Variants in SIPA1L1 observed in about 807,000 individuals in gnomAD.
The protein encoded by SIPA1L1 is signal-induced proliferation-associated 1-like protein 1.
SIPA1L1 carries 26 observed loss-of-function variants against 162.7 expected under a neutral mutation model. That is an observed-to-expected ratio of 0.16 (90% confidence interval 0.12 to 0.22). SIPA1L1 has a LOEUF of 0.22. Ranked by LOEUF, SIPA1L1 falls within the 10% of genes least tolerant of loss-of-function variation. The pLI is 1.00. For synonymous variants in SIPA1L1, 829 were observed against 837.4 expected, an observed-to-expected ratio of 0.99 and a Z score of 0.17; for missense variants, 1,874 against 2,241.0, an observed-to-expected ratio of 0.84 and a Z score of 3.31.
At chr14:71,711,651 A>C (rs184112861) in intron 17 of SIPA1L1, among the ~76,000 whole-genome samples, 326 of 152,360 alleles carry the variant, frequency 2.1e-3, no homozygotes, top group African/African-American at 7.4e-3. Context: ...CGGCTGTGCC[A>C]TTATCTAACA....
chr14:71,685,348 C>T lies in SIPA1L1; in HGVS notation c.3105-14C>T, dbSNP rs759084250. The T allele has an allele frequency of 6.2e-6, 10 of 1,613,354 alleles. No individual in the cohort carries two copies. Among genetic ancestry groups the T allele is most frequent in the Non-Finnish European group, 6.8e-6 (8 of 1,179,414 alleles). ...GTATCCATTGTGTTTCTCCCTGTGC[C>T]TTGCCCCTAATAGGAGTTGCTCTGA... On this transcript the variant is annotated splice_polypyrimidine_tract_variant and intron_variant, in intron 12 of 23. Transcript: ENST00000381232.
intron 18 of SIPA1L1, 70 bp from the exon 19 acceptor site, chr14:71,724,600 T>G: frequency 7.9e-7 from 1 of 1,258,000 alleles, no homozygotes; most frequent in Non-Finnish European, 1.1e-6. Context: ...TTACATCCTT[T>G]AGAGCCCATC....
rs189690497 is a variant in SIPA1L1, at chr14:71,646,638, T to C, written c.1819-3697T>C. ...CATCTCAAATATAGCCCTTGTCCCA[T>C]TGGACTGACCACCATCACTTTTGTA... On this transcript the variant is annotated intron_variant, in intron 7 of 23. Transcript: ENST00000381232. Among the ~76,000 whole-genome samples the C allele has an allele frequency of 1.2e-3, 180 of 152,338 alleles. 1 individual carries two copies. The highest frequency in any genetic ancestry group is 2.1e-3 in the Non-Finnish European group (140 of 68,022).
At chr14:71,729,324 C>T (rs943627919) in intron 19 of SIPA1L1, among the ~76,000 whole-genome samples, 21 of 152,338 alleles carry the variant, frequency 1.4e-4, no homozygotes, top group African/African-American at 3.8e-4. Context: ...GCATGAGCCA[C>T]CGCGCCCAGC....
chr14:71,604,800 C>T (rs1410060356), intron 5 of SIPA1L1, among the ~76,000 whole-genome samples: 2 of 152,106 alleles, frequency 1.3e-5, no homozygotes, highest in African/African-American at 4.8e-5. Context: ...AGTGACTACA[C>T]ACTTTTCTCT....
Position 71,690,185 on chromosome 14 carries a change from G to T in SIPA1L1, c.3374+4554G>T, listed in dbSNP as rs180721234. The stretch of plus-strand genomic sequence containing the variant: ...AGGATCCTGAAATCATGGGACTTTT[G>T]AACTTCACTGGGAATGCTCCAGCTA... On this transcript the variant is annotated intron_variant, in intron 13 of 23. Transcript: ENST00000381232. Among the ~76,000 whole-genome samples the T allele has an allele frequency of 1.4e-4, 22 of 152,142 alleles. No homozygotes were observed. In the East Asian group the frequency reaches 3.9e-3, roughly 27 times the overall value.
intron 4 of SIPA1L1, among the ~76,000 whole-genome samples, chr14:71,557,062 C>T (rs2146447917): frequency 6.6e-6 from 1 of 152,270 alleles, no homozygotes; most frequent in Admixed American, 6.5e-5. Context: ...GAGTTAGGAG[C>T]TAGGAACTGT....
At chr14:71,392,192 A>C (rs2040816918) in intron 2 of SIPA1L1, among the ~76,000 whole-genome samples, 1 of 152,196 alleles carries the variant, frequency 6.6e-6, no homozygotes, top group Non-Finnish European at 1.5e-5. Context: ...TCTCCGGTGC[A>C]GGCAGATGCT....
chr14:71,575,418 C>G (rs762085779), intron 4 of SIPA1L1, among the ~76,000 whole-genome samples: 3 of 152,102 alleles, frequency 2.0e-5, no homozygotes, highest in Non-Finnish European at 2.9e-5. Flanking sequence ...TTCACTTTTT[C>G]TGTACTATTT....
At chr14:71,417,618 G>A (rs1488528044) in intron 2 of SIPA1L1, among the ~76,000 whole-genome samples, 1 of 151,474 alleles carries the variant, frequency 6.6e-6, no homozygotes, top group Non-Finnish European at 1.5e-5. Context: ...AGGGAAAGAA[G>A]AGATTGGTCT....
intron 7 of SIPA1L1, among the ~76,000 whole-genome samples, chr14:71,641,181 G>A (rs530658077): frequency 4.6e-5 from 7 of 151,846 alleles, no homozygotes; most frequent in African/African-American, 1.4e-4. Context: ...GGGAATAAAA[G>A]CAGTATTTGA....
chr14:71,498,986 T>C (rs1361575369), intron 2 of SIPA1L1, among the ~76,000 whole-genome samples: 1 of 152,044 alleles, frequency 6.6e-6, no homozygotes, highest in Non-Finnish European at 1.5e-5. Flanking sequence ...TACTTCAGAT[T>C]CTTCAAATGA....
chr14:71,578,991 C>A (rs544012294), intron 4 of SIPA1L1, among the ~76,000 whole-genome samples: 1 of 152,308 alleles, frequency 6.6e-6, no homozygotes, highest in South Asian at 2.1e-4. Flanking sequence ...AGTTTTTAAT[C>A]AGAGAATTGT....
chr14:71,367,370 G>T (rs964328810), intron 2 of SIPA1L1, among the ~76,000 whole-genome samples: 5 of 146,372 alleles, frequency 3.4e-5, no homozygotes, highest in Non-Finnish European at 7.4e-5. Context: ...GCAGTGGCGC[G>T]ATCTCTGCTC....
intron 2 of SIPA1L1, among the ~76,000 whole-genome samples, chr14:71,404,377 C>T (rs898250226): frequency 6.6e-6 from 1 of 152,120 alleles, no homozygotes; most frequent in Non-Finnish European, 1.5e-5. Flanking sequence ...AACCCTGTCT[C>T]TACTAAAAAT....
At chr14:71,699,285 T>C (rs926503905) in intron 14 of SIPA1L1, among the ~76,000 whole-genome samples, 158 bp downstream of exon 14, 1 of 152,230 alleles carries the variant, frequency 6.6e-6, no homozygotes, top group South Asian at 2.1e-4. Flanking sequence ...GAAAAATGGC[T>C]TCATGGCTGG....
intron 2 of SIPA1L1, among the ~76,000 whole-genome samples, chr14:71,493,846 A>C (rs540060915): frequency 1.3e-5 from 2 of 152,228 alleles, no homozygotes; most frequent in Non-Finnish European, 2.9e-5. Context: ...TTACTCCTTA[A>C]AGGATAGATT....
At chr14:71,562,866 G>A (rs1186171434) in intron 4 of SIPA1L1, among the ~76,000 whole-genome samples, 3 of 152,174 alleles carry the variant, frequency 2.0e-5, no homozygotes, top group East Asian at 1.9e-4. Context: ...TGTTGGTGAG[G>A]CTGGTCTTGA....
chr14:71,428,416 T>C (rs1186432561), intron 2 of SIPA1L1, among the ~76,000 whole-genome samples: 1 of 151,968 alleles, frequency 6.6e-6, no homozygotes, highest in Non-Finnish European at 1.5e-5. Context: ...TTTATTTTTA[T>C]TGTAGGCTGT....
Sources: allele counts gnomAD v4.1 joint callset (sites outside exome capture counted in the v4.1 genomes callset), GRCh38; gene constraint gnomAD v4.1.1; transcripts MANE v1.5; gene names NCBI Gene and HGNC (gene_info 2026-07-23, HGNC 2026-07-21).